The following PTPRM variants were observed in gnomAD, a reference collection of about 807,000 sequenced individuals.
PTPRM encodes the protein protein tyrosine phosphatase receptor type M.
Under a neutral mutation model 186.7 loss-of-function variants are expected in PTPRM, and 47 were observed. The observed-to-expected ratio is 0.25, with a 90% CI of 0.20 to 0.32. The LOEUF is 0.32. PTPRM is among the 10% of genes least tolerant of loss of function. The pLI, the probability that PTPRM is intolerant of heterozygous loss-of-function variation, is 1.00. For synonymous variants in PTPRM, 668 were observed against 674.9 expected, an observed-to-expected ratio of 0.99 and a Z score of 0.16; for missense variants, 1,494 against 1,865.0, an observed-to-expected ratio of 0.80 and a Z score of 3.66.
At chr18:7,584,189 A>G (rs1369406036) in intron 1 of PTPRM, among the ~76,000 whole-genome samples, 4 of 152,220 alleles carry the variant, frequency 2.6e-5, no homozygotes, top group African/African-American at 9.6e-5. Context: ...AGTATCGAGA[A>G]TATTAGCATT....
chr18:8,032,682 G>A (rs1259143893), intron 7 of PTPRM, among the ~76,000 whole-genome samples: 1 of 152,114 alleles, frequency 6.6e-6, no homozygotes, highest in Non-Finnish European at 1.5e-5. Context: ...GCATTCAGGA[G>A]AGGATGATTT....
intron 19 of PTPRM, among the ~76,000 whole-genome samples, chr18:8,259,141 T>G (rs939396680): frequency 4.0e-5 from 6 of 151,894 alleles, no homozygotes; most frequent in Admixed American, 3.9e-4. Flanking sequence ...TAGAGATGGA[T>G]TTTCGCCATG....
intron 1 of PTPRM, among the ~76,000 whole-genome samples, chr18:7,682,921 A>G (rs963104821): frequency 3.9e-5 from 6 of 152,166 alleles, no homozygotes; most frequent in Non-Finnish European, 5.9e-5. Context: ...GTGGTTTAGT[A>G]TCCTGCAGTG....
chr18:7,885,853 T>C (rs893751862), intron 2 of PTPRM, among the ~76,000 whole-genome samples: 3 of 152,038 alleles, frequency 2.0e-5, no homozygotes, highest in Non-Finnish European at 4.4e-5. Flanking sequence ...AAAATAACAG[T>C]TTTGGAAAAC....
chr18:7,695,982 T>C (rs1456937725), intron 1 of PTPRM, among the ~76,000 whole-genome samples: 1 of 152,240 alleles, frequency 6.6e-6, no homozygotes, highest in Non-Finnish European at 1.5e-5. Context: ...TTATTAATAC[T>C]TTCAATATTC....
chr18:8,272,658 A>G (rs971837310), intron 19 of PTPRM, among the ~76,000 whole-genome samples: 1 of 152,176 alleles, frequency 6.6e-6, no homozygotes, highest in Non-Finnish European at 1.5e-5. Flanking sequence ...TGATTGCATT[A>G]TATACAATCA....
intron 4 of PTPRM, among the ~76,000 whole-genome samples, chr18:7,910,714 C>T (rs1197929568): frequency 1.3e-5 from 2 of 152,152 alleles, no homozygotes; most frequent in Non-Finnish European, 2.9e-5. Context: ...TAGCCCAAGA[C>T]CAGCCTGACT....
At chr18:8,235,650 A>C (rs1419024675) in intron 14 of PTPRM, among the ~76,000 whole-genome samples, 1 of 151,538 alleles carries the variant, frequency 6.6e-6, no homozygotes, top group Non-Finnish European at 1.5e-5. Context: ...TAGATTCCGT[A>C]GGTGGGAGCT....
At chr18:7,855,708 A>G (rs2047063798) in intron 2 of PTPRM, among the ~76,000 whole-genome samples, 1 of 152,234 alleles carries the variant, frequency 6.6e-6, no homozygotes, top group African/African-American at 2.4e-5. Flanking sequence ...AGATGAAATG[A>G]AATTCCAGTT....
At chr18:8,322,930 C>T (rs2095354574) in intron 22 of PTPRM, among the ~76,000 whole-genome samples, 1 of 152,110 alleles carries the variant, frequency 6.6e-6, no homozygotes, top group Admixed American at 6.5e-5. Flanking sequence ...TGTAATTCTC[C>T]CACCTCAGCC....
At chr18:7,710,851 G>A (rs2040197115) in intron 1 of PTPRM, among the ~76,000 whole-genome samples, 1 of 152,134 alleles carries the variant, frequency 6.6e-6, no homozygotes, top group Admixed American at 6.6e-5. Context: ...CAAAGGAGAT[G>A]AAATATCTCT....
At position 8,149,250 on chromosome 18, in the gene PTPRM, G is replaced by A. The variant is rs562943349; in HGVS notation, c.2300+5471G>A. Among the ~76,000 whole-genome samples the A allele has an allele frequency of 9.2e-5, 14 of 152,218 alleles. No homozygotes were observed. The East Asian group carries it at 2.3e-3, about 25-fold the overall frequency. ...TGATCTGTCTAATATTGACAGTGGG[G>A]TGTTAAAGTCTCCCACAATTATTAT... On this transcript the variant is annotated intron_variant, in intron 14 of 32. Coordinates refer to ENST00000580170, the MANE Select transcript of PTPRM (RefSeq NM_001105244.2).
intron 19 of PTPRM, among the ~76,000 whole-genome samples, chr18:8,256,584 C>T (rs1184113954): frequency 6.6e-6 from 1 of 152,186 alleles, no homozygotes; most frequent in Non-Finnish European, 1.5e-5. Context: ...TTCAGTAAAA[C>T]TCTCATCTCT....
At chr18:7,815,848 A>G (rs912878877) in intron 2 of PTPRM, 1 of 152,254 alleles carries the variant, frequency 6.6e-6, no homozygotes, top group Non-Finnish European at 1.5e-5. Context: ...AAGAAAGGCA[A>G]AATGAGGTTC....
chr18:8,187,900 A>C (rs1398588100), intron 14 of PTPRM, among the ~76,000 whole-genome samples: 1 of 152,214 alleles, frequency 6.6e-6, no homozygotes, highest in African/African-American at 2.4e-5. Flanking sequence ...TGCTCATTCC[A>C]TTCGCCTTTT....
chr18:8,242,224 A>C (rs754612063), intron 14 of PTPRM, among the ~76,000 whole-genome samples: 67 of 152,348 alleles, frequency 4.4e-4, no homozygotes, highest in Non-Finnish European at 9.0e-4. Context: ...AAATCAGTCC[A>C]AAGCAAATCA....
chr18:7,962,387 G>A (rs2053741234), intron 7 of PTPRM, among the ~76,000 whole-genome samples: 2 of 152,062 alleles, frequency 1.3e-5, no homozygotes, highest in African/African-American at 4.8e-5. Flanking sequence ...ACAAATTTAC[G>A]GTGTTGTGTT....
At chr18:7,586,767 A>C (rs2036990461) in intron 1 of PTPRM, among the ~76,000 whole-genome samples, 1 of 152,230 alleles carries the variant, frequency 6.6e-6, no homozygotes, top group Admixed American at 6.5e-5. Flanking sequence ...ATAAACATAC[A>C]GTTGAGAAGG....
At chr18:7,679,735 GTA>G (rs1162680401) in intron 1 of PTPRM, among the ~76,000 whole-genome samples, 1 of 152,102 alleles carries the variant, frequency 6.6e-6, no homozygotes, top group Non-Finnish European at 1.5e-5. Context: ...TGTAAAATTT[GTA>G]TAGTCATAGT....
Sources: gnomAD v4.1 joint callset for allele counts (sites outside exome capture counted in the v4.1 genomes callset) on GRCh38, gnomAD v4.1.1 for gene constraint, MANE v1.5 for transcripts, NCBI Gene and HGNC (gene_info 2026-07-23, HGNC 2026-07-21) for gene names.